The following DNAH7 variants were observed in gnomAD, a reference collection of about 807,000 sequenced individuals.
DNAH7 encodes dynein axonemal heavy chain 7.
A neutral mutation model predicts 444.6 loss-of-function variants in DNAH7; 397 were observed. That is an observed-to-expected ratio of 0.89 (90% CI 0.82 to 0.97). DNAH7 has a LOEUF of 0.97. Ranked by LOEUF, DNAH7 falls within the 50% of genes least tolerant of loss-of-function variation. The pLI is 0.00. For missense variants in DNAH7, 4,902 were observed against 4,800.8 expected, an observed-to-expected ratio of 1.02 and a Z score of -0.62; for synonymous variants, 1,636 against 1,624.4, an observed-to-expected ratio of 1.01 and a Z score of -0.17.
intron 61 of DNAH7, among the ~76,000 whole-genome samples, chr2:195,756,753 G>A (rs908155273): frequency 2.0e-5 from 3 of 152,034 alleles, no homozygotes; most frequent in African/African-American, 7.2e-5. Context: ...TAGGACTTTG[G>A]GGCCGAGGCA....
chr2:195,940,454 A>G (rs1689348945), intron 19 of DNAH7, among the ~76,000 whole-genome samples: 1 of 152,202 alleles, frequency 6.6e-6, no homozygotes, highest in South Asian at 2.1e-4. Context: ...ACCATTCAGG[A>G]TACAGGCATG....
chr2:195,900,546 G>C (rs745783878), intron 27 of DNAH7, 52 bp from the exon 28 acceptor site: 1 of 1,539,488 alleles, frequency 6.5e-7, no homozygotes, highest in South Asian at 1.1e-5. Flanking sequence ...AAATAAGCTA[G>C]GCATGGAAAG....
At chr2:195,834,855 C>T (rs943377231) in intron 47 of DNAH7, among the ~76,000 whole-genome samples, 5 of 151,948 alleles carry the variant, frequency 3.3e-5, no homozygotes, top group South Asian at 2.1e-4. Flanking sequence ...AAAGAAATAA[C>T]GGCCTAACAA....
chr2:195,866,244 T>C (rs991827566), intron 40 of DNAH7, among the ~76,000 whole-genome samples: 1 of 152,122 alleles, frequency 6.6e-6, no homozygotes, highest in African/African-American at 2.4e-5. Context: ...AGAATTCAAA[T>C]AGATAATTAC....
intron 45 of DNAH7, among the ~76,000 whole-genome samples, chr2:195,854,759 A>G (rs890572419): frequency 6.6e-6 from 1 of 152,214 alleles, no homozygotes; most frequent in Non-Finnish European, 1.5e-5. Flanking sequence ...TAATTTTCTA[A>G]TATTTTATCA....
intron 45 of DNAH7, among the ~76,000 whole-genome samples, chr2:195,855,109 C>T (rs1181855785): frequency 6.6e-6 from 1 of 152,120 alleles, no homozygotes; most frequent in African/African-American, 2.4e-5. Flanking sequence ...CAAAATGGTA[C>T]AAAATCATTA....
rs188085483 is a variant in DNAH7 at position 195,834,924 on chromosome 2, G to A, written c.8946-564C>T. 1.1e-4 allele frequency among the ~76,000 whole-genome samples: 17 copies of A among 152,326 alleles called. No individual in the cohort carries two copies. In the East Asian group the frequency reaches 3.3e-3, roughly 29 times the overall value. ...CTTCATAATATCCAGGGACACTTAAGTGTTAACACAATTGTTGACCCAATC... is the reference window on the plus strand; with the variant it reads ...CTTCATAATATCCAGGGACACTTAAATGTTAACACAATTGTTGACCCAATC... On this transcript the variant is annotated intron_variant, in intron 47 of 64. Transcript: ENST00000312428.
At chr2:195,970,137 C>A (rs1161869063) in intron 16 of DNAH7, 43 bp from the exon 17 acceptor site, 3 of 1,536,370 alleles carry the variant, frequency 2.0e-6, no homozygotes, top group East Asian at 4.7e-5. Context: ...AAAGTTAAAA[C>A]CCCTTGCTGT....
At chr2:195,760,599 G>C (rs116635952) in intron 61 of DNAH7, among the ~76,000 whole-genome samples, 3,729 of 152,124 alleles carry the variant, frequency 0.025, 81 homozygotes, top group Non-Finnish European at 0.036. Context: ...ATGTGTTTAT[G>C]AGAAACAAAG....
Position 196,028,034 on chromosome 2 carries a change from C to T in DNAH7, c.412G>A (p.Asp138Asn). 1 of 1,607,292 alleles carries T rather than the reference C, an allele frequency of 6.2e-7. No homozygotes were observed. Among genetic ancestry groups the T allele is most frequent in the Non-Finnish European group, 8.5e-7 (1 of 1,176,504 alleles). ...LVNVIMQQDA[D>N]LDSAVPDGST... ...CCATCAGGGACAGCTGAGTCTAAGT[C>T]AGCATCTTGTTGCCTAAGAAAATGA... The change falls in exon 6 of 65, where the codon GAC becomes AAC. Residue 138 changes from aspartate (D) to asparagine (N), a missense_variant. Transcript: ENST00000312428.
intron 8 of DNAH7, among the ~76,000 whole-genome samples, chr2:196,019,805 C>T (rs1262171141): frequency 1.3e-5 from 2 of 152,180 alleles, no homozygotes; most frequent in African/African-American, 2.4e-5. Context: ...CAAACACTAA[C>T]GTTTTTATTT....
intron 12 of DNAH7, among the ~76,000 whole-genome samples, chr2:195,991,253 T>G (rs1034349710): frequency 6.6e-6 from 1 of 152,234 alleles, no homozygotes; most frequent in African/African-American, 2.4e-5. Context: ...TTCTACCAAA[T>G]CATGTACCCT....
At chr2:195,806,876 AAG>A (rs1290283314) in intron 53 of DNAH7, 44 bp from the exon 54 acceptor site, 2 of 1,512,810 alleles carry the variant, frequency 1.3e-6, no homozygotes, top group Non-Finnish European at 1.8e-6. Flanking sequence ...GGAGATTATA[AAG>A]AGAACAGTAT....
intron 60 of DNAH7, among the ~76,000 whole-genome samples, chr2:195,773,722 G>A (rs1297515154): frequency 6.6e-6 from 1 of 152,054 alleles, no homozygotes; most frequent in Non-Finnish European, 1.5e-5. Context: ...TTCATTTTCA[G>A]AGACATCAGA....
intron 61 of DNAH7, 22 bp from the exon 62 acceptor site, chr2:195,756,307 T>C: frequency 6.3e-7 from 1 of 1,588,304 alleles, no homozygotes; most frequent in Non-Finnish European, 8.6e-7. Flanking sequence ...TTAACCTTGG[T>C]TAATATAATA....
chr2:195,917,324 G>A (rs950858153), intron 24 of DNAH7, among the ~76,000 whole-genome samples: 11 of 152,054 alleles, frequency 7.2e-5, no homozygotes, highest in African/African-American at 2.7e-4. Context: ...AGCTGGTAAG[G>A]GAAACACACC....
rs1574364138 is a variant in DNAH7 at position 195,749,007 on chromosome 2, C to G, written c.11764+5330G>C. 1.3e-5 allele frequency among the ~76,000 whole-genome samples: 2 copies of G among 152,156 alleles called. 1 individual carries two copies. The highest frequency in any genetic ancestry group is 1.3e-4 in the Admixed American group (2 of 15,276). On this transcript the variant is annotated intron_variant, in intron 63 of 64. Transcript: ENST00000312428. Reference sequence around the variant, plus strand: ...AATGGGATCTAATTAAACTAAAGAGCTTCTGCACAGCAAAAGAAACTACCA... The same window carrying G: ...AATGGGATCTAATTAAACTAAAGAGGTTCTGCACAGCAAAAGAAACTACCA...
chr2:195,962,541 GGTTT>G (rs1267813427), intron 17 of DNAH7, among the ~76,000 whole-genome samples: 2 of 152,070 alleles, frequency 1.3e-5, no homozygotes, highest in African/African-American at 2.4e-5. Context: ...GTGGAGATAG[GGTTT>G]CACCATGTTG....
At chr2:195,873,530 C>T in intron 39 of DNAH7, 38 bp downstream of exon 39, 1 of 1,152,230 alleles carries the variant, frequency 8.7e-7, no homozygotes. Flanking sequence ...ATATTTTATA[C>T]CTCCTAATTA....
Sources: allele counts gnomAD v4.1 joint callset (sites outside exome capture counted in the v4.1 genomes callset), GRCh38; gene constraint gnomAD v4.1.1; transcripts MANE v1.5; gene names NCBI Gene and HGNC (gene_info 2026-07-23, HGNC 2026-07-21).